The following AIG1 variants were observed in gnomAD, a reference collection of about 807,000 sequenced individuals.
AIG1 encodes androgen induced 1, also known as androgen-induced gene 1 protein.
AIG1 carries 23 observed loss-of-function variants against 31.4 expected under a neutral mutation model. The observed-to-expected ratio is 0.73, with a 90% CI of 0.53 to 1.04. AIG1 has a LOEUF of 1.04. Among genes scored for constraint, AIG1 ranks in the 50% least tolerant of loss-of-function variants. The probability of loss-of-function intolerance (pLI) is 0.00; values close to 1 mark genes in which losing one functional copy is unlikely to be tolerated. For synonymous variants in AIG1, 100 were observed against 110.5 expected (o/e 0.90, Z 0.60); for missense variants, 274 against 295.0 (o/e 0.93, Z 0.52).
chr6:143,307,195 T>G (rs1416091214), intron 4 of AIG1, among the ~76,000 whole-genome samples: 2 of 152,252 alleles, frequency 1.3e-5, no homozygotes, highest in Non-Finnish European at 2.9e-5. Flanking sequence ...CCTTCTTCTC[T>G]CAGCTCGTCA....
At chr6:143,171,272 T>C (rs1367862421) in intron 3 of AIG1, among the ~76,000 whole-genome samples, 1 of 150,746 alleles carries the variant, frequency 6.6e-6, no homozygotes, top group Admixed American at 6.7e-5. Flanking sequence ...CTCCCACTCA[T>C]GATTGAGAAC....
chr6:143,277,606 G>A (rs1473976986), intron 3 of AIG1, among the ~76,000 whole-genome samples: 1 of 152,204 alleles, frequency 6.6e-6, no homozygotes, highest in Non-Finnish European at 1.5e-5. Flanking sequence ...GTGATTTGAT[G>A]CACACATAAC....
chr6:143,327,297 G>A lies in AIG1; in HGVS notation c.516-5985G>A, dbSNP rs1270330940. 5 of 213,546 alleles carry A rather than the reference G, an allele frequency of 2.3e-5. No homozygotes were observed. Among genetic ancestry groups the A allele is most frequent in the Non-Finnish European group, 3.8e-5 (4 of 105,012 alleles). 13.2% of individuals were successfully genotyped at this position (213,546 alleles called of 1,614,324 possible). A position where few individuals can be genotyped will look rare whatever the true frequency, so the allele number is the denominator to read the frequency against. On this transcript the variant is annotated intron_variant, in intron 4 of 5. Transcript: ENST00000357847. The surrounding 1 kb of genome is among the most constrained non-coding windows in gnomAD (Gnocchi z 5.3). The stretch of plus-strand genomic sequence containing the variant: ...AGAATGGTTCTCACAAAGAAGGATG[G>A]CAAGACAAAAAGGGCCACTCTGCCA...
At chr6:143,300,121 G>C (rs769165379) in intron 4 of AIG1, among the ~76,000 whole-genome samples, 1 of 152,202 alleles carries the variant, frequency 6.6e-6, no homozygotes, top group Non-Finnish European at 1.5e-5. Context: ...TGAATGAGTG[G>C]TGCATACTTT....
At chr6:143,072,737 T>A (rs970680595) in intron 1 of AIG1, among the ~76,000 whole-genome samples, 8 of 152,224 alleles carry the variant, frequency 5.3e-5, no homozygotes, top group Admixed American at 2.6e-4. Context: ...TCCAAATTTT[T>A]AAAAAATAAA....
chr6:143,215,810 T>C (rs563823364), intron 3 of AIG1, among the ~76,000 whole-genome samples: 1 of 152,276 alleles, frequency 6.6e-6, no homozygotes, highest in South Asian at 2.1e-4. Flanking sequence ...ATGAACACTC[T>C]AAGGCAGTGG....
At chr6:143,205,707 A>G (rs190889129) in intron 3 of AIG1, among the ~76,000 whole-genome samples, 3 of 152,326 alleles carry the variant, frequency 2.0e-5, no homozygotes, top group Admixed American at 1.3e-4. Flanking sequence ...TTTGTTTTTA[A>G]AATTGTATAT....
In AIG1 at chr6:143,288,247, G is replaced by A. The variant is rs1355999020; in HGVS notation, c.515+4022G>A. 5.9e-5 allele frequency among the ~76,000 whole-genome samples: 9 copies of A among 152,268 alleles called. No individual in the cohort carries two copies. The East Asian group carries it at 1.5e-3, about 26-fold the overall frequency. ...AAAGAGGAAACCAACTCAGACCCTAGGAAATGTACACCCTCAAAGCTTCAA... is the reference window on the plus strand; with the variant it reads ...AAAGAGGAAACCAACTCAGACCCTAAGAAATGTACACCCTCAAAGCTTCAA... On this transcript the variant is annotated intron_variant, in intron 4 of 5. Transcript: ENST00000357847. This position sits in a 1 kb window ranked among gnomAD's most constrained non-coding sequence, Gnocchi z 4.4.
At chr6:143,227,902 C>T (rs1418291902) in intron 3 of AIG1, among the ~76,000 whole-genome samples, 2 of 152,144 alleles carry the variant, frequency 1.3e-5, no homozygotes, top group African/African-American at 4.8e-5. Context: ...AGCAATTCCC[C>T]CAGAGCTTGC....
In AIG1 at chr6:143,246,743, G is replaced by A. The variant is rs181565890; in HGVS notation, c.400-37367G>A. Among the ~76,000 whole-genome samples, 15 of 152,286 alleles carry A rather than the reference G, an allele frequency of 9.8e-5. No individual in the cohort carries two copies. In the East Asian group the frequency reaches 2.5e-3, roughly 25 times the overall value. ...ATATAAAAACTCATGTAATCCTCTT[G>A]ACAGCCAGTGAGAGAATGCAAAAGG... On this transcript the variant is annotated intron_variant, in intron 3 of 5. Coordinates refer to ENST00000357847, the MANE Select transcript of AIG1 (RefSeq NM_016108.4).
chr6:143,081,844 C>T (rs1474762291), intron 1 of AIG1, among the ~76,000 whole-genome samples: 1 of 152,040 alleles, frequency 6.6e-6, no homozygotes, highest in African/African-American at 2.4e-5. Context: ...GCTTGGTTTC[C>T]CAGAGGGGAT....
Position 143,075,871 on chromosome 6 carries a change from A to AT in AIG1, c.141+14812dup, listed in dbSNP as rs1053376422. Among the ~76,000 whole-genome samples, 173 of 152,198 alleles carry AT rather than the reference A, an allele frequency of 1.1e-3. 1 individual carries two copies. Among genetic ancestry groups the AT allele is most frequent in the African/African-American group, 3.8e-3 (158 of 41,516 alleles). On this transcript the variant is annotated intron_variant, in intron 1 of 5. Transcript: ENST00000357847. ...TATTTTACAGTGAGTTGTACACTAT[A>AT]TTTTTTTACAGATAGCTTTTCATGG... is the stretch of plus-strand genomic sequence containing the variant.
chr6:143,249,583 C>G lies in AIG1; in HGVS notation c.400-34527C>G, dbSNP rs570988930. ...ATAGCCTCCCAAGTTCAACACTTAGCTCTCCAATCTCTGCTCCTTTTTCTT... is the reference window on the plus strand; with the variant it reads ...ATAGCCTCCCAAGTTCAACACTTAGGTCTCCAATCTCTGCTCCTTTTTCTT... On this transcript the variant is annotated intron_variant, in intron 3 of 5. Transcript: ENST00000357847. Among the ~76,000 whole-genome samples, 9 of 152,318 alleles carry G rather than the reference C, an allele frequency of 5.9e-5. No individual in the cohort carries two copies. The East Asian group carries it at 1.7e-3, about 29-fold the overall frequency.
At chr6:143,163,628 A>G (rs1465976928) in intron 2 of AIG1, among the ~76,000 whole-genome samples, 1 of 152,152 alleles carries the variant, frequency 6.6e-6, no homozygotes, top group Non-Finnish European at 1.5e-5. Context: ...TTCCTTTTAA[A>G]TATTTTATGG....
intron 1 of AIG1, among the ~76,000 whole-genome samples, chr6:143,111,091 T>C (rs1423802122): frequency 6.6e-6 from 1 of 152,198 alleles, no homozygotes; most frequent in Non-Finnish European, 1.5e-5. Context: ...TAATAACTCA[T>C]GTGTGAGTCA....
chr6:143,190,364 C>G, intron 3 of AIG1: 1 of 985,450 alleles, frequency 1.0e-6, no homozygotes, highest in South Asian at 4.7e-5. Flanking sequence ...TGCTCTCCCA[C>G]TGACCTCAGT....
chr6:143,333,570 G>A lies in AIG1; in HGVS notation c.679+125G>A, dbSNP rs1777255422. The A allele has an allele frequency of 1.1e-6, 1 of 928,416 alleles. No homozygotes were observed. Among genetic ancestry groups the A allele is most frequent in the Non-Finnish European group, 1.5e-6 (1 of 665,618 alleles). The allele number at this position is 928,416 out of a possible 1,614,324, so 57.5% of individuals were successfully genotyped here. On this transcript the variant is annotated intron_variant, in intron 5 of 5. Transcript: ENST00000357847. The surrounding 1 kb of genome is among the most constrained non-coding windows in gnomAD (Gnocchi z 4.6). ...CTTCACACAGGATCTCCTATAAAGA[G>A]CTCCATTTTTAAAACTACAATATGA...
chr6:143,087,066 C>A (rs1778860439), intron 1 of AIG1, among the ~76,000 whole-genome samples: 1 of 152,230 alleles, frequency 6.6e-6, no homozygotes, highest in Non-Finnish European at 1.5e-5. Context: ...TTAAGTCAGG[C>A]AGCCATGCTC....
intron 3 of AIG1, chr6:143,189,728 C>T: frequency 1.0e-6 from 1 of 985,356 alleles, no homozygotes; most frequent in Non-Finnish European, 1.2e-6. Flanking sequence ...CCTCAAAACC[C>T]TCATCCCTAA....
Sources: allele counts gnomAD v4.1 joint callset (sites outside exome capture counted in the v4.1 genomes callset), GRCh38; gene constraint gnomAD v4.1.1; non-coding constraint Gnocchi (gnomAD v3.1); transcripts MANE v1.5; gene names NCBI Gene and HGNC (gene_info 2026-07-23, HGNC 2026-07-21).